The following FTO variants were observed in gnomAD, a reference collection of about 807,000 sequenced individuals.
The protein encoded by FTO is FTO alpha-ketoglutarate dependent dioxygenase.
In FTO, 47 loss-of-function variants were observed where a neutral mutation model predicts 63.9. The ratio of observed to expected loss-of-function variants is 0.74; its 90% CI spans 0.58 to 0.94. FTO has a LOEUF of 0.94. Ranked by LOEUF, FTO falls within the 40% of genes least tolerant of loss-of-function variation. The pLI, the probability that FTO is intolerant of heterozygous loss-of-function variation, is 0.00. For synonymous variants in FTO, 207 were observed against 224.4 expected (o/e 0.92, Z 0.69); for missense variants, 562 against 618.1 (o/e 0.91, Z 0.96).
At chr16:53,827,667 A>G (rs2079043528) in intron 3 of FTO, among the ~76,000 whole-genome samples, 1 of 152,234 alleles carries the variant, frequency 6.6e-6, no homozygotes, top group South Asian at 2.1e-4. Flanking sequence ...TTATGTCTTC[A>G]GTCTGAAACA....
intron 1 of FTO, among the ~76,000 whole-genome samples, chr16:53,712,167 A>G (rs928049501): frequency 1.2e-4 from 19 of 152,136 alleles, no homozygotes; most frequent in Non-Finnish European, 7.4e-5. Context: ...TTTTTACCTT[A>G]TTTTATATTT....
At chr16:53,777,188 C>G (rs2077479884) in intron 1 of FTO, among the ~76,000 whole-genome samples, 1 of 152,128 alleles carries the variant, frequency 6.6e-6, no homozygotes, top group Non-Finnish European at 1.5e-5. Context: ...AATTTTTTAC[C>G]CTTTGACTAA....
At chr16:53,710,386 C>T (rs553605290) in intron 1 of FTO, among the ~76,000 whole-genome samples, 8 of 151,892 alleles carry the variant, frequency 5.3e-5, no homozygotes, top group Non-Finnish European at 7.4e-5. Flanking sequence ...CTGCCTCAGC[C>T]TCCTGAGTAG....
chr16:53,855,608 T>C (rs2151842276), intron 4 of FTO, among the ~76,000 whole-genome samples: 1 of 152,240 alleles, frequency 6.6e-6, no homozygotes, highest in South Asian at 2.1e-4. Flanking sequence ...ATTAATTCTA[T>C]CCTTGAAAGC....
chr16:53,711,650 AAAG>A (rs2075780522), intron 1 of FTO, among the ~76,000 whole-genome samples: 1 of 152,236 alleles, frequency 6.6e-6, no homozygotes, highest in African/African-American at 2.4e-5. Flanking sequence ...CATGGAATAA[AAAG>A]CTATGGATGT....
intron 1 of FTO, among the ~76,000 whole-genome samples, chr16:53,758,405 G>A (rs1385815977): frequency 2.0e-5 from 3 of 152,210 alleles, no homozygotes; most frequent in Admixed American, 6.5e-5. Flanking sequence ...TGTGACCTCT[G>A]TTGTTTGGGG....
intron 7 of FTO, among the ~76,000 whole-genome samples, chr16:53,922,579 A>G (rs924973949): frequency 1.3e-5 from 2 of 152,238 alleles, no homozygotes; most frequent in African/African-American, 4.8e-5. Flanking sequence ...TATAACTTTT[A>G]GTACTGTCAT....
chr16:54,037,705 T>C (rs2084973231), intron 8 of FTO, among the ~76,000 whole-genome samples: 1 of 152,226 alleles, frequency 6.6e-6, no homozygotes, highest in African/African-American at 2.4e-5. Context: ...TAGACTCTTC[T>C]ACTTTAGAAA....
At chr16:54,092,462 GA>G (rs1320383525) in intron 8 of FTO, among the ~76,000 whole-genome samples, 1 of 152,140 alleles carries the variant, frequency 6.6e-6, no homozygotes, top group Non-Finnish European at 1.5e-5. Flanking sequence ...CCCAAGAACA[GA>G]GTCTCTACCA....
intron 8 of FTO, among the ~76,000 whole-genome samples, chr16:53,944,951 A>T (rs955311851): frequency 2.0e-5 from 3 of 152,176 alleles, no homozygotes; most frequent in Non-Finnish European, 4.4e-5. Context: ...TGGTGCAGGG[A>T]AGAACACTAG....
chr16:53,804,734 G>C (rs2078316989), intron 1 of FTO, among the ~76,000 whole-genome samples: 1 of 149,772 alleles, frequency 6.7e-6, no homozygotes, highest in African/African-American at 2.5e-5. Context: ...TCTTGCCTCA[G>C]CCACCCTAGA....
chr16:53,962,974 C>G (rs2083116355), intron 8 of FTO, among the ~76,000 whole-genome samples: 1 of 152,104 alleles, frequency 6.6e-6, no homozygotes, highest in Admixed American at 6.6e-5. Context: ...TTCCCACGCT[C>G]AAATCCAATA....
At chr16:53,881,553 G>C (rs2080836629) in intron 6 of FTO, among the ~76,000 whole-genome samples, 1 of 152,200 alleles carries the variant, frequency 6.6e-6, no homozygotes, top group Non-Finnish European at 1.5e-5. Context: ...AAGACTGCTG[G>C]GAATTGAGGG....
intron 4 of FTO, among the ~76,000 whole-genome samples, chr16:53,852,819 C>T (rs558090906): frequency 5.9e-5 from 9 of 152,218 alleles, no homozygotes; most frequent in Non-Finnish European, 8.8e-5. Flanking sequence ...GACTTATATT[C>T]GTCTTTTTTT....
intron 8 of FTO, 74 bp downstream of exon 8, chr16:53,934,183 G>A: frequency 6.5e-7 from 1 of 1,536,030 alleles, no homozygotes. Flanking sequence ...CCTTCCTTAT[G>A]GCTGGCCTCA....
chr16:53,760,592 T>A (rs1166618455), intron 1 of FTO, among the ~76,000 whole-genome samples: 2 of 150,190 alleles, frequency 1.3e-5, no homozygotes, highest in African/African-American at 4.9e-5. Flanking sequence ...TCCTTTTTCA[T>A]CTTTTAACAT....
At chr16:54,028,718 C>A (rs141371791) in intron 8 of FTO, among the ~76,000 whole-genome samples, 1,551 of 152,032 alleles carry the variant, frequency 0.01, 29 homozygotes, top group African/African-American at 0.034. Flanking sequence ...ATTGTATACA[C>A]TATATACAGT....
chr16:53,926,251 T>G (rs1376357856), intron 7 of FTO, among the ~76,000 whole-genome samples: 3 of 152,176 alleles, frequency 2.0e-5, no homozygotes, highest in African/African-American at 4.8e-5. Context: ...TTAAAAATAG[T>G]TTTTCCGACC....
At chr16:54,009,969 A>G (rs2084299672) in intron 8 of FTO, among the ~76,000 whole-genome samples, 1 of 152,210 alleles carries the variant, frequency 6.6e-6, no homozygotes, top group African/African-American at 2.4e-5. Context: ...CATAGCAATG[A>G]GGAACTGGAG....
Sources: gnomAD v4.1 joint callset for allele counts (sites outside exome capture counted in the v4.1 genomes callset) on GRCh38, gnomAD v4.1.1 for gene constraint, MANE v1.5 for transcripts, NCBI Gene and HGNC (gene_info 2026-07-23, HGNC 2026-07-21) for gene names.